The following ZNF618 variants were observed in gnomAD, a reference collection of about 807,000 sequenced individuals.
ZNF618 encodes the protein zinc finger protein 618.
A neutral mutation model predicts 103.0 loss-of-function variants in ZNF618; 34 were observed. That is an observed-to-expected ratio of 0.33 (90% CI 0.25 to 0.44). The LOEUF (loss-of-function observed/expected upper bound fraction) is 0.44. Ranked by LOEUF, ZNF618 falls within the 20% of genes least tolerant of loss-of-function variation. The pLI, the probability that ZNF618 is intolerant of heterozygous loss-of-function variation, is 1.00. For synonymous variants in ZNF618, 551 were observed against 542.2 expected, an observed-to-expected ratio of 1.02 and a Z score of -0.23; for missense variants, 1,059 against 1,295.4, an observed-to-expected ratio of 0.82 and a Z score of 2.80.
At chr9:113,997,289 G>A (rs1588281393) in intron 3 of ZNF618, among the ~76,000 whole-genome samples, 1 of 151,834 alleles carries the variant, frequency 6.6e-6, no homozygotes, top group Non-Finnish European at 1.5e-5. Context: ...TGTGTTTTCT[G>A]TAGAGATGGG....
intron 1 of ZNF618, among the ~76,000 whole-genome samples, chr9:113,954,033 T>C (rs1402271687): frequency 6.6e-6 from 1 of 152,136 alleles, no homozygotes; most frequent in Non-Finnish European, 1.5e-5. Flanking sequence ...CTTTGCAGAA[T>C]GTAGTTAAAT....
intron 2 of ZNF618, among the ~76,000 whole-genome samples, chr9:113,969,724 C>A (rs1363990141): frequency 1.3e-5 from 2 of 152,186 alleles, no homozygotes; most frequent in South Asian, 2.1e-4. Flanking sequence ...CAGGCCCAAG[C>A]TGTGGACATC....
At chr9:113,932,271 A>G (rs567977856) in intron 1 of ZNF618, among the ~76,000 whole-genome samples, 3 of 152,132 alleles carry the variant, frequency 2.0e-5, no homozygotes, top group African/African-American at 4.8e-5. Flanking sequence ...TAGGTGAGGG[A>G]ACAGTGAGTG....
intron 1 of ZNF618, among the ~76,000 whole-genome samples, chr9:113,957,686 A>G (rs1421903300): frequency 6.6e-6 from 1 of 152,176 alleles, no homozygotes; most frequent in African/African-American, 2.4e-5. Flanking sequence ...ACTGCCATAC[A>G]TAGAAATACC....
At chr9:113,937,983 C>T (rs1203078175) in intron 1 of ZNF618, among the ~76,000 whole-genome samples, 2 of 152,084 alleles carry the variant, frequency 1.3e-5, no homozygotes, top group African/African-American at 4.8e-5. Flanking sequence ...ATCTGTTCTT[C>T]TACATGAGCT....
chr9:114,048,575 G>T, intron 14 of ZNF618, 76 bp from the exon 15 acceptor site: 1 of 1,443,924 alleles, frequency 6.9e-7, no homozygotes, highest in Non-Finnish European at 9.4e-7. Context: ...TAGATGTTTA[G>T]AGTGTTAGGC....
At position 114,049,757 on chromosome 9, in the gene ZNF618, C is replaced by T; in HGVS notation, c.2455C>T (p.Pro819Ser). ...DPQQKLRPVP[P>S]YQHEEIIGKV... is the part of the protein sequence containing the mutation. Reference sequence around the variant, plus strand: ...GCAGCAGAAGCTGCGGCCTGTGCCACCCTACCAGCACGAGGAGATCATCGG... The same window carrying T: ...GCAGCAGAAGCTGCGGCCTGTGCCATCCTACCAGCACGAGGAGATCATCGG... Residue 819 changes from proline (P) to serine (S), a missense_variant, in exon 15 of 15, where the codon CCC becomes TCC. By Grantham distance (74) the Pro-to-Ser change is moderately conservative. Transcript: ENST00000374126. 1 of 1,613,984 alleles carries T rather than the reference C, an allele frequency of 6.2e-7. No homozygotes were observed. Among genetic ancestry groups the T allele is most frequent in the African/African-American group, 1.3e-5 (1 of 75,072 alleles).
chr9:113,982,892 C>G lies in ZNF618; in HGVS notation c.78-5429C>G, dbSNP rs150375345. On this transcript the variant is annotated intron_variant, in intron 2 of 14. Coordinates refer to ENST00000374126, the MANE Select transcript of ZNF618 (RefSeq NM_001318042.2). ...GGGATCCCCTTGGTCTGGCTTCTCT[C>G]CTGGTCAGCTTGCACAATTAGTAAC... 6.2e-3 allele frequency among the ~76,000 whole-genome samples: 943 copies of G among 152,314 alleles called. 8 individuals are homozygous for G. The highest frequency in any genetic ancestry group is 0.021 in the African/African-American group (892 of 41,552).
intron 1 of ZNF618, among the ~76,000 whole-genome samples, chr9:113,926,354 TTTTTTGG>T (rs1833097229): frequency 6.6e-6 from 1 of 152,054 alleles, no homozygotes; most frequent in Non-Finnish European, 1.5e-5. Context: ...GGGATACAGT[TTTTTTGG>T]TTTTTGTTCT....
intron 1 of ZNF618, among the ~76,000 whole-genome samples, chr9:113,944,470 G>A (rs1403834811): frequency 6.6e-6 from 1 of 152,128 alleles, no homozygotes; most frequent in Non-Finnish European, 1.5e-5. Flanking sequence ...ATTGAGACGG[G>A]ATTTTGCCAT....
chr9:113,993,998 C>T (rs1840323588), intron 3 of ZNF618, among the ~76,000 whole-genome samples: 1 of 152,132 alleles, frequency 6.6e-6, no homozygotes, highest in Non-Finnish European at 1.5e-5. Context: ...CATAGGTGAT[C>T]AGGGAGGGTC....
chr9:114,001,964 G>A (rs762183568), intron 4 of ZNF618, 32 bp from the exon 5 acceptor site: 1 of 1,593,484 alleles, frequency 6.3e-7, no homozygotes, highest in South Asian at 1.1e-5. Context: ...ACAGAGGTTG[G>A]GTGACCAGTC....
At chr9:113,887,787 A>G (rs1214937366) in intron 1 of ZNF618, among the ~76,000 whole-genome samples, 2 of 152,162 alleles carry the variant, frequency 1.3e-5, no homozygotes, top group Non-Finnish European at 2.9e-5. Flanking sequence ...CCTGCTCTTC[A>G]TGTTTTGAAA....
intron 13 of ZNF618, among the ~76,000 whole-genome samples, chr9:114,038,455 C>G (rs543859631): frequency 2.3e-4 from 35 of 152,310 alleles, no homozygotes; most frequent in African/African-American, 8.2e-4. Context: ...AGGCTGAATC[C>G]CAGCCACACT....
chr9:113,911,491 G>C (rs1831543858), intron 1 of ZNF618, among the ~76,000 whole-genome samples: 1 of 151,682 alleles, frequency 6.6e-6, no homozygotes, highest in African/African-American at 2.4e-5. Context: ...ACGATGCCCA[G>C]CTGATTATTG....
intron 2 of ZNF618, among the ~76,000 whole-genome samples, chr9:113,978,009 T>TA (rs1398584502): frequency 6.6e-6 from 1 of 152,242 alleles, no homozygotes; most frequent in African/African-American, 2.4e-5. Flanking sequence ...CAACTAATGA[T>TA]ATATTTATGC....
chr9:113,912,299 C>A (rs1831625312), intron 1 of ZNF618, among the ~76,000 whole-genome samples: 1 of 152,196 alleles, frequency 6.6e-6, no homozygotes, highest in Admixed American at 6.5e-5. Context: ...ACAAAGGGAT[C>A]TCCTCCATTT....
Position 114,036,353 on chromosome 9 carries a change from T to A in ZNF618, c.1222T>A (p.Leu408Met). 6.3e-7 allele frequency: 1 copy of A among 1,582,996 alleles called. No homozygotes were observed. The highest frequency in any genetic ancestry group is 2.3e-5 in the East Asian group (1 of 43,458). Residue 408 changes from leucine to methionine, a missense_variant, in exon 13 of 15, where the codon TTG becomes ATG. Transcript: ENST00000374126. The stretch of plus-strand genomic sequence containing the variant: ...CCAGTTCCAGTTCTACAACAACCTG[T>A]TGGAGCACATGCAGTCCCATGCAGG... Reference protein sequence around the residue: ...GIQFQFYNNLLEHMQSHAADN... With the variant: ...GIQFQFYNNLMEHMQSHAADN...
chr9:113,975,240 A>G (rs1838367480), intron 2 of ZNF618, among the ~76,000 whole-genome samples: 1 of 152,188 alleles, frequency 6.6e-6, no homozygotes, highest in African/African-American at 2.4e-5. Context: ...CAGCCCTTTC[A>G]GATAGTGATT....
Sources: gnomAD v4.1 joint callset for allele counts (sites outside exome capture counted in the v4.1 genomes callset) on GRCh38, gnomAD v4.1.1 for gene constraint, MANE v1.5 for transcripts, NCBI Gene and HGNC (gene_info 2026-07-23, HGNC 2026-07-21) for gene names.